The following CFAP299 variants were observed in gnomAD, a reference collection of about 807,000 sequenced individuals.
CFAP299 encodes cilia and flagella associated protein 299, also known as cilia- and flagella-associated protein 299.
A neutral mutation model predicts 27.0 loss-of-function variants in CFAP299; 21 were observed. The ratio of observed to expected loss-of-function variants is 0.78; its 90% confidence interval spans 0.55 to 1.12. CFAP299 has a LOEUF of 1.12. Among genes scored for constraint, CFAP299 ranks in the 50% most tolerant of loss-of-function variants. The probability of loss-of-function intolerance (pLI) is 0.00; values close to 1 mark genes in which losing one functional copy is unlikely to be tolerated. For synonymous variants in CFAP299, 104 were observed against 98.1 expected, an observed-to-expected ratio of 1.06 and a Z score of -0.36; for missense variants, 310 against 276.6, an observed-to-expected ratio of 1.12 and a Z score of -0.86.
chr4:80,664,738 G>C (rs902995991), intron 3 of CFAP299, among the ~76,000 whole-genome samples: 1 of 152,098 alleles, frequency 6.6e-6, no homozygotes, highest in East Asian at 1.9e-4. Flanking sequence ...GGGAGTGAAT[G>C]GTTCTGCCTG....
intron 4 of CFAP299, among the ~76,000 whole-genome samples, chr4:80,894,106 T>A (rs1734488896): frequency 6.6e-6 from 1 of 151,904 alleles, no homozygotes; most frequent in Non-Finnish European, 1.5e-5. Flanking sequence ...CCTACAGATA[T>A]ATGAAAAGGT....
rs532545528 is a variant in CFAP299 at position 80,432,719 on chromosome 4, A to G, written c.242+69835A>G. On this transcript the variant is annotated intron_variant, in intron 2 of 5. Coordinates refer to ENST00000358105, the MANE Select transcript of CFAP299 (RefSeq NM_152770.3). ...GGCTAATTTTTTGTATTTTTAGTAG[A>G]GATGGGGTTTCTGTGTTAGCCAGGA... is the stretch of plus-strand genomic sequence containing the variant. Among the ~76,000 whole-genome samples the G allele has an allele frequency of 2.6e-5, 4 of 151,290 alleles. No individual in the cohort carries two copies. In the East Asian group the frequency reaches 8.0e-4, roughly 30 times the overall value.
chr4:80,418,498 G>A (rs1310173473), intron 2 of CFAP299, among the ~76,000 whole-genome samples: 1 of 152,168 alleles, frequency 6.6e-6, no homozygotes, highest in Non-Finnish European at 1.5e-5. Context: ...TGATGAGAAC[G>A]TTAGAAATGT....
At chr4:80,363,854 A>G (rs1020261141) in intron 2 of CFAP299, among the ~76,000 whole-genome samples, 1 of 151,992 alleles carries the variant, frequency 6.6e-6, no homozygotes, top group Non-Finnish European at 1.5e-5. Flanking sequence ...TTTGGGAGGC[A>G]GAGGCGGGCA....
At chr4:80,845,274 A>C (rs1237951781) in intron 3 of CFAP299, among the ~76,000 whole-genome samples, 2 of 133,198 alleles carry the variant, frequency 1.5e-5, no homozygotes, top group Non-Finnish European at 1.5e-5. Flanking sequence ...CTCAAGTCCC[A>C]CACTGTTTTT....
intron 2 of CFAP299, among the ~76,000 whole-genome samples, chr4:80,411,844 G>C (rs1726736565): frequency 6.6e-6 from 1 of 152,028 alleles, no homozygotes; most frequent in Non-Finnish European, 1.5e-5. Flanking sequence ...GAACAGATAT[G>C]TATTAATATA....
At chr4:80,760,594 AT>A (rs1374232542) in intron 3 of CFAP299, among the ~76,000 whole-genome samples, 1 of 152,218 alleles carries the variant, frequency 6.6e-6, no homozygotes, top group African/African-American at 2.4e-5. Flanking sequence ...TAAAGATCAT[AT>A]GTATATTGAT....
intron 3 of CFAP299, among the ~76,000 whole-genome samples, chr4:80,711,765 G>C (rs396273): frequency 0.93 from 141,949 of 152,238 alleles, 66,252 homozygotes; most frequent in East Asian, 1. Flanking sequence ...CCAGAGTACC[G>C]TATTTTTGAA....
chr4:80,738,474 T>C (rs1232551638), intron 3 of CFAP299, among the ~76,000 whole-genome samples: 1 of 152,034 alleles, frequency 6.6e-6, no homozygotes, highest in African/African-American at 2.4e-5. Flanking sequence ...CCCTTTAACA[T>C]TGTATAATGA....
chr4:80,809,992 G>A (rs1304698299), intron 3 of CFAP299, among the ~76,000 whole-genome samples: 1 of 151,856 alleles, frequency 6.6e-6, no homozygotes, highest in African/African-American at 2.4e-5. Flanking sequence ...CTTGTTTTTG[G>A]GTTGCGGTGA....
chr4:80,420,303 T>G, intron 2 of CFAP299: 3 of 440,294 alleles, frequency 6.8e-6, no homozygotes, highest in South Asian at 4.8e-5. Flanking sequence ...TCTCTACAGA[T>G]GCAAATCTCT....
chr4:80,794,506 G>T (rs55893546), intron 3 of CFAP299, among the ~76,000 whole-genome samples: 1 of 152,058 alleles, frequency 6.6e-6, no homozygotes, highest in Admixed American at 6.6e-5. Context: ...GCACTGTCAC[G>T]TAGTTGGCAT....
At position 80,554,174 on chromosome 4, in the gene CFAP299, T is replaced by C. The variant is rs1734675645; in HGVS notation, c.243-28919T>C. On this transcript the variant is annotated intron_variant, in intron 2 of 5. Transcript: ENST00000358105. ...ATCTCGAGTTGATTTTTGTATATGG[T>C]GTAAGGAAGGGGTCCAGCTTCAATC... 2.6e-5 allele frequency among the ~76,000 whole-genome samples: 4 copies of C among 152,164 alleles called. No homozygotes were observed. The South Asian group carries it at 8.3e-4, about 32-fold the overall frequency.
At chr4:80,902,690 G>C (rs891197773) in intron 4 of CFAP299, among the ~76,000 whole-genome samples, 24 of 149,506 alleles carry the variant, frequency 1.6e-4, no homozygotes, top group Non-Finnish European at 3.4e-4. Context: ...GAGATAGTTG[G>C]TTTGCTAACC....
intron 3 of CFAP299, among the ~76,000 whole-genome samples, chr4:80,650,520 A>G (rs758339669): frequency 6.6e-6 from 1 of 152,172 alleles, no homozygotes; most frequent in Admixed American, 6.6e-5. Context: ...TTATTTGACC[A>G]TAGATGACTG....
intron 1 of CFAP299, among the ~76,000 whole-genome samples, chr4:80,352,247 A>G (rs1018091943): frequency 3.9e-5 from 6 of 152,206 alleles, no homozygotes; most frequent in African/African-American, 1.4e-4. Context: ...AGAAGTTAGA[A>G]TAAATGTAAG....
intron 3 of CFAP299, among the ~76,000 whole-genome samples, chr4:80,589,701 T>A (rs531510538): frequency 6.6e-6 from 1 of 152,286 alleles, no homozygotes; most frequent in East Asian, 1.9e-4. Flanking sequence ...GACACTCAGC[T>A]GTACTAATCT....
chr4:80,349,451 T>G (rs1274835630), intron 1 of CFAP299, among the ~76,000 whole-genome samples: 1 of 152,186 alleles, frequency 6.6e-6, no homozygotes, highest in Non-Finnish European at 1.5e-5. Flanking sequence ...AAATAAAGGA[T>G]GAGAGTTTCT....
chr4:80,404,966 T>G (rs1451489913), intron 2 of CFAP299, among the ~76,000 whole-genome samples: 2 of 152,212 alleles, frequency 1.3e-5, no homozygotes, highest in African/African-American at 4.8e-5. Context: ...ATTTTAATAG[T>G]AACCATTCTG....
Sources: allele counts gnomAD v4.1 joint callset (sites outside exome capture counted in the v4.1 genomes callset), GRCh38; gene constraint gnomAD v4.1.1; transcripts MANE v1.5; gene names NCBI Gene and HGNC (gene_info 2026-07-23, HGNC 2026-07-21).